ADCK5: variants seen among roughly 807,000 people sequenced by gnomAD.
ADCK5 encodes uncharacterized aarF domain-containing protein kinase 5.
A neutral mutation model predicts 64.9 loss-of-function variants in ADCK5; 43 were observed. The observed-to-expected ratio is 0.66, with a 90% CI of 0.52 to 0.85. The LOEUF is 0.85. Ranked by LOEUF, ADCK5 falls within the 40% of genes least tolerant of loss-of-function variation. ADCK5 has a pLI of 0.00. For missense variants in ADCK5, 760 were observed against 810.5 expected, an observed-to-expected ratio of 0.94 and a Z score of 0.76; for synonymous variants, 434 against 342.8, an observed-to-expected ratio of 1.27 and a Z score of -2.94.
intron 1 of ADCK5, among the ~76,000 whole-genome samples, 158 bp from the exon 2 acceptor site, chr8:144,379,229 G>A (rs950092349): frequency 2.6e-5 from 4 of 152,086 alleles, no homozygotes; most frequent in South Asian, 4.1e-4. Context: ...CCCTGTGCCC[G>A]GCCTGGGTAG....
rs782182631 is a variant in ADCK5, at chr8:144,391,797, C to G, written c.945C>G (p.Ala315=). Residue 315 remains alanine (A), a synonymous_variant, in exon 9 of 15, where the codon GCC becomes GCG. Transcript: ENST00000308860. ...GCTCTCCCCAGCGCGTGCTCACTGC[C>G]GACTTCTGCGCCGGCTGCAAGGTCA... The part of the protein sequence containing the change: ...WDKSSKRVLT[A]DFCAGCKVND... 3 of 1,557,616 alleles carry G rather than the reference C, an allele frequency of 1.9e-6. No homozygotes were observed. In the African/African-American group the frequency reaches 4.1e-5, roughly 21 times the overall value.
At chr8:144,387,905 T>C (rs2130717771) in intron 3 of ADCK5, among the ~76,000 whole-genome samples, 1 of 151,686 alleles carries the variant, frequency 6.6e-6, no homozygotes, top group Admixed American at 6.6e-5. Context: ...GCTAATTTTG[T>C]ATTTTTTAGT....
chr8:144,388,713 C>G (rs1820055460), intron 3 of ADCK5, among the ~76,000 whole-genome samples: 1 of 149,698 alleles, frequency 6.7e-6, no homozygotes, highest in African/African-American at 2.5e-5. Flanking sequence ...TGCAGTGAGC[C>G]AAGATCGCCA....
At chr8:144,385,182 TTTTC>T (rs1819856402) in intron 3 of ADCK5, among the ~76,000 whole-genome samples, 1 of 151,418 alleles carries the variant, frequency 6.6e-6, no homozygotes, top group Admixed American at 6.6e-5. Context: ...ACTCCTTACA[TTTTC>T]TTTTTTTTTT....
intron 3 of ADCK5, chr8:144,389,176 A>G (rs1586591911): frequency 2.3e-6 from 1 of 439,314 alleles, no homozygotes; most frequent in African/African-American, 2.0e-5. Context: ...CCTCTTGCCT[A>G]AATCTCCCCC....
intron 3 of ADCK5, 152 bp downstream of exon 3, chr8:144,383,382 C>A (rs782498725): frequency 3.8e-5 from 47 of 1,231,820 alleles, no homozygotes; most frequent in Non-Finnish European, 4.9e-5. Context: ...GCTTTTCAGG[C>A]GTCCTTTCCT....
In ADCK5 at chr8:144,390,974, C is replaced by T; in HGVS notation, c.461C>T (p.Ser154Phe). The T allele has an allele frequency of 6.2e-7, 1 of 1,613,024 alleles. No homozygotes were observed. Among genetic ancestry groups the T allele is most frequent in the Non-Finnish European group, 8.5e-7 (1 of 1,179,988 alleles). ...LYVKLGQGLCSFNHLLPPEYT... is the reference protein window; with the variant it reads ...LYVKLGQGLCFFNHLLPPEYT... ...GTGAAGCTGGGCCAGGGGCTGTGCTCCTTCAACCACCTGCTTCCCCCCGAG... is the reference window on the plus strand; with the variant it reads ...GTGAAGCTGGGCCAGGGGCTGTGCTTCTTCAACCACCTGCTTCCCCCCGAG... Residue 154 changes from serine (S) to phenylalanine (F), a missense_variant, in exon 5 of 15, where the codon TCC becomes TTC. Around this residue, in one of 2 missense-constraint regions of ADCK5, gnomAD observed 427 missense variants for 518.4 expected, o/e 0.82. Coordinates refer to ENST00000308860, the MANE Select transcript of ADCK5 (RefSeq NM_174922.5).
rs782072777 is a variant in ADCK5 at position 144,391,564 on chromosome 8, G to A, written c.799-16G>A. The A allele has an allele frequency of 2.4e-5, 38 of 1,581,746 alleles. No individual in the cohort carries two copies. Among genetic ancestry groups the A allele is most frequent in the South Asian group, 6.8e-5 (6 of 88,046 alleles). ...TGGTAGGCAGAGCTGGTCTTCAACC[G>A]CCATCTGGCCCCCAGGACCTGAAGG... On this transcript the variant is annotated splice_polypyrimidine_tract_variant and intron_variant, in intron 7 of 14. Coordinates refer to ENST00000308860, the MANE Select transcript of ADCK5 (RefSeq NM_174922.5).
At chr8:144,373,968 T>C (rs1819257089), upstream of ADCK5, 1 of 1,084,098 alleles carries the variant, frequency 9.2e-7, no homozygotes, top group African/African-American at 1.6e-5. Context: ...GCCTCCAGCC[T>C]CGCCCACCGC....
chr8:144,374,825 C>T (rs1309184374), intron 1 of ADCK5, among the ~76,000 whole-genome samples: 2 of 152,218 alleles, frequency 1.3e-5, no homozygotes, highest in Non-Finnish European at 2.9e-5. Context: ...CTCTCAGGCT[C>T]TCGGCGTCTC....
intron 3 of ADCK5, among the ~76,000 whole-genome samples, chr8:144,388,909 C>T (rs933392299): frequency 2.0e-5 from 3 of 152,242 alleles, no homozygotes; most frequent in Admixed American, 1.3e-4. Context: ...GCCAGAGCTG[C>T]GCTTCAGGAA....
In ADCK5 at chr8:144,379,813, G is replaced by T. The variant is rs143769610; in HGVS notation, c.116+323G>T. On this transcript the variant is annotated intron_variant, in intron 2 of 14. Coordinates refer to ENST00000308860, the MANE Select transcript of ADCK5 (RefSeq NM_174922.5). ...ATGGAGGAGGGCGGGGTGACTATAG[G>T]TGGGAGTCACACAAGAGGAAGAGCA... Among the ~76,000 whole-genome samples, 550 of 152,320 alleles carry T rather than the reference G, an allele frequency of 3.6e-3. 3 individuals carry two copies. Among genetic ancestry groups the T allele is most frequent in the South Asian group, 0.01 (50 of 4,824 alleles).
At chr8:144,389,337 G>A (rs1554859903) in intron 3 of ADCK5, 1 of 456,454 alleles carries the variant, frequency 2.2e-6, no homozygotes, top group Admixed American at 2.3e-5. Flanking sequence ...CAGGCTGCAG[G>A]TGACCTTGAC....
intron 1 of ADCK5, chr8:144,375,637 TGTGA>T (rs1819332694): frequency 1.1e-5 from 11 of 985,490 alleles, no homozygotes; most frequent in Non-Finnish European, 1.3e-5. Flanking sequence ...ATGATACCTG[TGTGA>T]GTGTTACCAC....
intron 12 of ADCK5, 29 bp from the exon 13 acceptor site, chr8:144,392,416 C>CCTCCCTCT (rs1820313055): frequency 1.5e-6 from 2 of 1,333,346 alleles, no homozygotes; most frequent in African/African-American, 3.6e-5. Flanking sequence ...CTCAGAGCCC[C>CCTCCCTCT]CTCCCTCCCT....
chr8:144,389,960 C>T (rs1266312319), intron 3 of ADCK5, among the ~76,000 whole-genome samples: 1 of 152,028 alleles, frequency 6.6e-6, no homozygotes, highest in East Asian at 1.9e-4. Flanking sequence ...TCCCGAGTAG[C>T]TGGGATTACA....
intron 5 of ADCK5, 30 bp downstream of exon 5, chr8:144,391,086 G>A (rs367814614): frequency 1.2e-6 from 2 of 1,610,714 alleles, no homozygotes; most frequent in African/African-American, 2.7e-5. Flanking sequence ...GAGGGAGGTG[G>A]GGCCTCCAGC....
At position 144,392,241 on chromosome 8, in the gene ADCK5, C is replaced by T. The variant is rs376579859; in HGVS notation, c.1176-13C>T. The T allele has an allele frequency of 2.8e-4, 428 of 1,541,350 alleles. No homozygotes were observed. Among genetic ancestry groups the T allele is most frequent in the Non-Finnish European group, 3.7e-4 (420 of 1,148,178 alleles). On this transcript the variant is annotated splice_polypyrimidine_tract_variant and intron_variant, in intron 11 of 14. Transcript: ENST00000308860. ...CGCAGGGAGCTCATGGCTGCGGGCC[C>T]ATCCACACCCAGGGACCGCGCAGCC...
In ADCK5 at chr8:144,390,715, G is replaced by A. The variant is rs782193011; in HGVS notation, c.311G>A (p.Cys104Tyr). The change falls in exon 4 of 15, where the codon TGC becomes TAC. Residue 104 changes from cysteine to tyrosine, a missense_variant. Physicochemically the swap from Cys to Tyr is radical, Grantham distance 194. Coordinates refer to ENST00000308860, the MANE Select transcript of ADCK5 (RefSeq NM_174922.5). Reference sequence around the variant, plus strand: ...CAGATCTCCCTGGACTACTGGTGGTGCACCAATGTTGTCCTTCGAGGGGTG... The same window carrying A: ...CAGATCTCCCTGGACTACTGGTGGTACACCAATGTTGTCCTTCGAGGGGTG... The part of the protein sequence containing the change: ...GLQISLDYWW[C>Y]TNVVLRGVEE... The A allele has an allele frequency of 2.5e-6, 4 of 1,613,916 alleles. No homozygotes were observed. Among genetic ancestry groups the A allele is most frequent in the African/African-American group, 1.3e-5 (1 of 75,070 alleles).
Sources: allele counts gnomAD v4.1 joint callset (sites outside exome capture counted in the v4.1 genomes callset), GRCh38; gene constraint gnomAD v4.1.1; regional missense constraint gnomAD v4.1.1; transcripts MANE v1.5; gene names NCBI Gene and HGNC (gene_info 2026-07-23, HGNC 2026-07-21).